LRRC61: variants seen among roughly 807,000 people sequenced by gnomAD.
LRRC61 encodes leucine-rich repeat-containing protein 61.
In LRRC61, 9 loss-of-function variants were observed where a neutral mutation model predicts 15.1. The ratio of observed to expected loss-of-function variants is 0.60; its 90% confidence interval spans 0.36 to 1.04. The LOEUF is 1.04. Among genes scored for constraint, LRRC61 ranks in the 50% least tolerant of loss-of-function variants. LRRC61 has a pLI of 0.01. For missense variants in LRRC61, 344 were observed against 335.6 expected, an observed-to-expected ratio of 1.03 and a Z score of -0.20; for synonymous variants, 173 against 158.6, an observed-to-expected ratio of 1.09 and a Z score of -0.68.
chr7:150,328,024 T>C (rs1797999748), intron 2 of LRRC61, among the ~76,000 whole-genome samples: 1 of 152,278 alleles, frequency 6.6e-6, no homozygotes, highest in Middle Eastern at 3.4e-3. Context: ...TGAACCACAT[T>C]GACTCAGGTT....
the LRRC61 span, among the ~76,000 whole-genome samples, chr7:150,309,516 C>A: frequency 6.6e-6 from 1 of 152,222 alleles, no homozygotes; most frequent in African/African-American, 2.4e-5. Flanking sequence ...CAACTGCTTG[C>A]GCCTGCTGTA....
chr7:150,323,606 T>C (rs1197258815), intron 1 of LRRC61, 46 bp downstream of exon 1: 2 of 452,720 alleles, frequency 4.4e-6, no homozygotes, highest in Admixed American at 2.4e-5. Context: ...GGGGCGGCTG[T>C]CGGGGCCCGT....
chr7:150,334,345 C>T (rs1290795008), intron 2 of LRRC61, among the ~76,000 whole-genome samples: 1 of 152,092 alleles, frequency 6.6e-6, no homozygotes, highest in African/African-American at 2.4e-5. Flanking sequence ...TCCGTGTTCT[C>T]CTCCCTCTGG....
intron 1 of LRRC61, among the ~76,000 whole-genome samples, chr7:150,325,510 C>T (rs1797937753): frequency 1.3e-5 from 2 of 152,208 alleles, no homozygotes; most frequent in Admixed American, 6.5e-5. Context: ...CTCTGTTGCT[C>T]AGGCTGGAAT....
At chr7:150,331,601 G>GTGGC in intron 2 of LRRC61, 1 of 170,240 alleles carries the variant, frequency 5.9e-6, no homozygotes. Context: ...TTTGTACTAC[G>GTGGC]TGGCTTTGTA....
chr7:150,322,837 G>C (rs1170135883), upstream of LRRC61: 3 of 152,314 alleles, frequency 2.0e-5, no homozygotes, highest in Non-Finnish European at 4.4e-5. Context: ...AACACCAGGA[G>C]ACACCCTGGG....
upstream of LRRC61, chr7:150,322,831 C>A (rs1240645644): frequency 6.6e-6 from 1 of 152,328 alleles, no homozygotes; most frequent in African/African-American, 2.4e-5. Context: ...TCTGATAACA[C>A]CAGGAGACAC....
chr7:150,310,977 G>A, the LRRC61 span, among the ~76,000 whole-genome samples: 1 of 152,038 alleles, frequency 6.6e-6, no homozygotes, highest in African/African-American at 2.4e-5. Context: ...CGCTCTTCCT[G>A]CAGACCGTGT....
Position 150,324,246 on chromosome 7 carries a change from C to T in LRRC61, c.-315+686C>T, listed in dbSNP as rs112130434. The T allele has an allele frequency of 2.6e-5, 4 of 156,046 alleles. No individual in the cohort carries two copies. In the East Asian group the frequency reaches 5.8e-4, roughly 23 times the overall value. The allele number at this position is 156,046 out of a possible 1,614,324, so 9.7% of individuals were successfully genotyped here. On this transcript the variant is annotated intron_variant, in intron 1 of 2. Coordinates refer to ENST00000359623, the MANE Select transcript of LRRC61 (RefSeq NM_001142928.2). ...GGTGGGGGTGGAGTAGACACTCTGTCCCCCTGCAGTGCTGGAGTTGAGAGC... is the reference window on the plus strand; with the variant it reads ...GGTGGGGGTGGAGTAGACACTCTGTTCCCCTGCAGTGCTGGAGTTGAGAGC...
chr7:150,320,200 C>T (rs145275257), upstream of LRRC61, among the ~76,000 whole-genome samples: 186 of 152,300 alleles, frequency 1.2e-3, 1 homozygote, highest in African/African-American at 4.0e-3. Context: ...TAGGGTGAGT[C>T]GCAAAGTACA....
intron 2 of LRRC61, chr7:150,332,485 G>C (rs1232153431): frequency 6.0e-6 from 1 of 167,070 alleles, no homozygotes; most frequent in African/African-American, 2.4e-5. Context: ...TCTCCTGGAT[G>C]GGTTGTCAGC....
chr7:150,311,079 A>G, the LRRC61 span, among the ~76,000 whole-genome samples: 1 of 152,148 alleles, frequency 6.6e-6, no homozygotes, highest in Admixed American at 6.6e-5. Context: ...CTGGGTACCA[A>G]ACTTTGTCAT....
rs902723928 is a variant in LRRC61, at chr7:150,330,171, C to T, written c.-145+4161C>T. On this transcript the variant is annotated intron_variant, in intron 2 of 2. Coordinates refer to ENST00000359623, the MANE Select transcript of LRRC61 (RefSeq NM_001142928.2). This position sits in a 1 kb window ranked among gnomAD's most constrained non-coding sequence, Gnocchi z 4.6. ...CCATTTCTAAGGCTCTGTGGAGGCC[C>T]AGGGACTCCTCACCCAGCTCCAGCG... 1.7e-6 allele frequency: 1 copy of T among 581,746 alleles called. No homozygotes were observed. Among genetic ancestry groups the T allele is most frequent in the Non-Finnish European group, 3.1e-6 (1 of 326,840 alleles). 36.0% of individuals were successfully genotyped at this position (581,746 alleles called of 1,614,324 possible). A position where few individuals can be genotyped will look rare whatever the true frequency, so the allele number is the denominator to read the frequency against.
chr7:150,311,073 G>T, the LRRC61 span, among the ~76,000 whole-genome samples: 3 of 152,026 alleles, frequency 2.0e-5, no homozygotes, highest in Non-Finnish European at 4.4e-5. Flanking sequence ...GCAACTCTGG[G>T]TACCAAACTT....
At chr7:150,322,462 C>T (rs965047535), upstream of LRRC61, among the ~76,000 whole-genome samples, 9 of 152,216 alleles carry the variant, frequency 5.9e-5, no homozygotes, top group Admixed American at 2.0e-4. Flanking sequence ...AATTATAATG[C>T]ATTAGCATGC....
At chr7:150,317,456 T>G in the LRRC61 span, among the ~76,000 whole-genome samples, 5 of 152,240 alleles carry the variant, frequency 3.3e-5, no homozygotes, top group African/African-American at 1.2e-4. Flanking sequence ...TTTTATTAGC[T>G]GTAGTAAATT....
In LRRC61 at chr7:150,330,948, G is replaced by C; in HGVS notation, c.-145+4938G>C. ...GGGGCTGCTGGCCTCTGAGAGAAGC[G>C]GGGGCTCGCTGTCCACCAAGAGCCA... On this transcript the variant is annotated intron_variant, in intron 2 of 2. Coordinates refer to ENST00000359623, the MANE Select transcript of LRRC61 (RefSeq NM_001142928.2). This position sits in a 1 kb window ranked among gnomAD's most constrained non-coding sequence, Gnocchi z 4.6. The C allele has an allele frequency of 3.1e-6, 5 of 1,612,072 alleles. No homozygotes were observed. The highest frequency in any genetic ancestry group is 4.2e-6 in the Non-Finnish European group (5 of 1,179,888).
At chr7:150,310,490 T>C in the LRRC61 span, among the ~76,000 whole-genome samples, 1 of 144,154 alleles carries the variant, frequency 6.9e-6, no homozygotes, top group Non-Finnish European at 1.5e-5. Flanking sequence ...TCAAGACCTT[T>C]GCCTCATAAA....
Position 150,330,610 on chromosome 7 carries a change from AG to A in LRRC61, c.-145+4602del. 1.2e-6 allele frequency: 1 copy of A among 828,024 alleles called. No homozygotes were observed. Among genetic ancestry groups the A allele is most frequent in the South Asian group, 1.3e-5 (1 of 75,516 alleles). The allele number at this position is 828,024 out of a possible 1,614,324, so 51.3% of individuals were successfully genotyped here. A position where few individuals can be genotyped will look rare whatever the true frequency, so the allele number is the denominator to read the frequency against. ...CAGCTCAACAAGCTCTTCTACCGCG[AG>A]GAGTTTGTGCTGGCCACCTTGCTGG... On this transcript the variant is annotated intron_variant, in intron 2 of 2. Transcript: ENST00000359623. The surrounding 1 kb of genome is among the most constrained non-coding windows in gnomAD (Gnocchi z 4.6).
Sources: gnomAD v4.1 joint callset for allele counts (sites outside exome capture counted in the v4.1 genomes callset) on GRCh38, gnomAD v4.1.1 for gene constraint, Gnocchi (gnomAD v3.1) non-coding constraint, MANE v1.5 for transcripts, NCBI Gene and HGNC (gene_info 2026-07-23, HGNC 2026-07-21) for gene names.